The following LEMD3 variants were observed in gnomAD, a reference collection of about 807,000 sequenced individuals.
The protein encoded by LEMD3 is inner nuclear membrane protein Man1.
A neutral mutation model predicts 95.2 loss-of-function variants in LEMD3; 33 were observed. That is an observed-to-expected ratio of 0.35 (90% CI 0.26 to 0.46). The LOEUF is 0.46. Ranked by LOEUF, LEMD3 falls within the 20% of genes least tolerant of loss-of-function variation. The pLI is 1.00. For missense variants in LEMD3, 1,210 were observed against 1,192.8 expected (o/e 1.01, Z -0.21); for synonymous variants, 525 against 474.6 (o/e 1.11, Z -1.38).
intron 9 of LEMD3, among the ~76,000 whole-genome samples, 164 bp downstream of exon 9, chr12:65,241,251 T>A (rs960324470): frequency 2.6e-5 from 4 of 152,176 alleles, no homozygotes; most frequent in African/African-American, 9.6e-5. Context: ...CCTTCCACAC[T>A]TTTATCTTTG....
intron 4 of LEMD3, among the ~76,000 whole-genome samples, chr12:65,224,489 G>A (rs572898326): frequency 1.3e-5 from 2 of 152,070 alleles, no homozygotes; most frequent in Admixed American, 6.6e-5. Context: ...TTAATAGTAC[G>A]ATGTACTGCT....
chr12:65,244,510 C>G (rs1871037014), intron 10 of LEMD3, among the ~76,000 whole-genome samples: 1 of 152,122 alleles, frequency 6.6e-6, no homozygotes, highest in African/African-American at 2.4e-5. Flanking sequence ...CTTACTACAG[C>G]AGAAACACCT....
At chr12:65,189,815 G>C (rs1171341174) in intron 1 of LEMD3, among the ~76,000 whole-genome samples, 1 of 152,110 alleles carries the variant, frequency 6.6e-6, no homozygotes, top group African/African-American at 2.4e-5. Context: ...ATTTTTAAAG[G>C]CATCTCAGAT....
intron 1 of LEMD3, among the ~76,000 whole-genome samples, chr12:65,190,706 T>G (rs1203845786): frequency 6.6e-6 from 1 of 152,162 alleles, no homozygotes; most frequent in African/African-American, 2.4e-5. Flanking sequence ...TGACAGGACC[T>G]CCTGAGGCTG....
At chr12:65,216,996 G>GTA (rs1870130111) in intron 3 of LEMD3, among the ~76,000 whole-genome samples, 2 of 152,192 alleles carry the variant, frequency 1.3e-5, no homozygotes, top group Admixed American at 1.3e-4. Context: ...GATAGGTTAA[G>GTA]TATATGCTAG....
At chr12:65,193,875 T>C (rs975374018) in intron 1 of LEMD3, among the ~76,000 whole-genome samples, 1 of 152,032 alleles carries the variant, frequency 6.6e-6, no homozygotes, top group Non-Finnish European at 1.5e-5. Context: ...TGCACATTTG[T>C]TCTTAGGTTG....
Sources: gnomAD v4.1 joint callset for allele counts (sites outside exome capture counted in the v4.1 genomes callset) on GRCh38, gnomAD v4.1.1 for gene constraint, MANE v1.5 for transcripts, NCBI Gene and HGNC (gene_info 2026-07-23, HGNC 2026-07-21) for gene names.